The following PLXNA4 variants were observed in gnomAD, a reference collection of about 807,000 sequenced individuals.
The protein encoded by PLXNA4 is plexin A4.
Under a neutral mutation model 191.8 loss-of-function variants are expected in PLXNA4, and 44 were observed. That is an observed-to-expected ratio of 0.23 (90% confidence interval 0.18 to 0.29). The LOEUF is 0.29. Among genes scored for constraint, PLXNA4 ranks in the 10% least tolerant of loss-of-function variants. The pLI, the probability that PLXNA4 is intolerant of heterozygous loss-of-function variation, is 1.00. For synonymous variants in PLXNA4, 1,082 were observed against 1,009.5 expected (o/e 1.07, Z -1.36); for missense variants, 1,800 against 2,488.8 (o/e 0.72, Z 5.89).
At chr7:132,224,960 G>T (rs1282545325) in intron 8 of PLXNA4, among the ~76,000 whole-genome samples, 3 of 152,206 alleles carry the variant, frequency 2.0e-5, no homozygotes, top group Non-Finnish European at 4.4e-5. Flanking sequence ...TTGAGGTCAG[G>T]TCCCACGGTT....
intron 5 of PLXNA4, among the ~76,000 whole-genome samples, chr7:132,228,956 C>T (rs1798429769): frequency 6.6e-6 from 1 of 152,210 alleles, no homozygotes; most frequent in Non-Finnish European, 1.5e-5. Context: ...CACCTGCAAT[C>T]TCTCCTGCCC....
In PLXNA4 at chr7:132,198,607, C is replaced by T; in HGVS notation, c.2616G>A (p.Gly872=). Reference sequence around the variant, plus strand: ...CCCCTCGGATAGTGACCTTGGTGCCCCCTTCCCGGGGGCCTGTCACCGGGA... The same window carrying T: ...CCCCTCGGATAGTGACCTTGGTGCCTCCTTCCCGGGGGCCTGTCACCGGGA... The part of the protein sequence containing the change: ...EIIPVTGPRE[G]GTKVTIRGEN... Residue 872 remains glycine, a synonymous_variant, in exon 13 of 32, where the codon GGG becomes GGA. Transcript: ENST00000321063. The T allele has an allele frequency of 6.2e-7, 1 of 1,614,190 alleles. No individual in the cohort carries two copies. The highest frequency in any genetic ancestry group is 2.2e-5 in the East Asian group (1 of 44,874).
intron 9 of PLXNA4, among the ~76,000 whole-genome samples, chr7:132,218,016 T>C (rs1419126006): frequency 2.0e-5 from 3 of 147,898 alleles, no homozygotes; most frequent in African/African-American, 5.0e-5. Flanking sequence ...GGAAGCAGAA[T>C]TGCTGACAAA....
At chr7:132,216,317 T>C (rs1170317994) in intron 9 of PLXNA4, among the ~76,000 whole-genome samples, 2 of 152,218 alleles carry the variant, frequency 1.3e-5, no homozygotes, top group Admixed American at 6.5e-5. Context: ...ATGATCTTTT[T>C]GAAGCTCAGT....
At chr7:132,208,726 T>C (rs62468398) in intron 10 of PLXNA4, among the ~76,000 whole-genome samples, 5,968 of 152,210 alleles carry the variant, frequency 0.039, 141 homozygotes, top group African/African-American at 0.067. Flanking sequence ...GTCCAAGGAT[T>C]CAACACCCGA....
chr7:132,507,474 C>G lies in PLXNA4; in HGVS notation c.1188+32G>C, dbSNP rs746992978. 4.5e-6 allele frequency: 7 copies of G among 1,572,196 alleles called. No homozygotes were observed. The South Asian group carries it at 8.4e-5, about 19-fold the overall frequency. On this transcript the variant is annotated intron_variant, in intron 2 of 31. Transcript: ENST00000321063. ...TGGGGTTCTCATCCTACACTCCCAA[C>G]CATCCCAGCGCGCAGCCCTCCCTGT...
chr7:132,299,501 G>A (rs1295575976), intron 3 of PLXNA4, among the ~76,000 whole-genome samples: 2 of 152,036 alleles, frequency 1.3e-5, no homozygotes, highest in Non-Finnish European at 2.9e-5. Context: ...TTATTTTGTG[G>A]TTTATTTGCT....
chr7:132,273,151 C>T (rs1441059894), intron 4 of PLXNA4, among the ~76,000 whole-genome samples: 1 of 152,128 alleles, frequency 6.6e-6, no homozygotes, highest in Non-Finnish European at 1.5e-5. Flanking sequence ...CTACATAGCC[C>T]TCATCTTCAT....
chr7:132,511,549 C>G (rs1798715104), intron 1 of PLXNA4, among the ~76,000 whole-genome samples: 1 of 152,202 alleles, frequency 6.6e-6, no homozygotes, highest in Admixed American at 6.5e-5. Context: ...TGGTAGATAA[C>G]ACCGATCAGG....
rs1795381849 is a variant in PLXNA4 at position 132,145,125 on chromosome 7, C to T, written c.5219G>A (p.Ser1740Asn). The T allele has an allele frequency of 1.2e-6, 2 of 1,614,116 alleles. No individual in the cohort carries two copies. Among genetic ancestry groups the T allele is most frequent in the Admixed American group, 3.3e-5 (2 of 60,020 alleles). ...HDPHVRHTWKSNCLPLRFWVN... is the reference protein window; with the variant it reads ...HDPHVRHTWKNNCLPLRFWVN... Reference sequence around the variant, plus strand: ...CTGCCCTCCCTTCACTCACCAATTGCTCTTCCAGGTATGGCGGACGTGCGG... The same window carrying T: ...CTGCCCTCCCTTCACTCACCAATTGTTCTTCCAGGTATGGCGGACGTGCGG... The change falls in exon 29 of 32, where the codon AGC (serine) becomes AAC (asparagine). Residue 1740 changes from serine to asparagine, a missense_variant. Ser to Asn is a conservative substitution (Grantham distance 46). Around this residue, in one of 6 missense-constraint regions of PLXNA4, gnomAD observed 101 missense variants for 182.8 expected, o/e 0.55. Coordinates refer to ENST00000321063, the MANE Select transcript of PLXNA4 (RefSeq NM_020911.2).
At chr7:132,513,537 G>A (rs929419484) in intron 1 of PLXNA4, among the ~76,000 whole-genome samples, 6 of 152,156 alleles carry the variant, frequency 3.9e-5, no homozygotes, top group African/African-American at 1.4e-4. Flanking sequence ...ACAGAGTCCT[G>A]GTCCTCAGAC....
chr7:132,603,997 C>T (rs13230417), intron 2 of PLXNA4, among the ~76,000 whole-genome samples: 15,679 of 152,184 alleles, frequency 0.1, 1,023 homozygotes, highest in Non-Finnish European at 0.14. Flanking sequence ...AGGATTTAAA[C>T]GATAACATGC....
At chr7:132,325,682 A>G (rs1426584786) in intron 3 of PLXNA4, among the ~76,000 whole-genome samples, 2 of 152,140 alleles carry the variant, frequency 1.3e-5, no homozygotes, top group African/African-American at 4.8e-5. Flanking sequence ...AGCCTCAAGG[A>G]GTGTGGCCCT....
rs758459805 is a variant in PLXNA4 at position 132,179,767 on chromosome 7, C to T, written c.3794G>A (p.Arg1265His). The change falls in exon 20 of 32, where the codon CGC becomes CAC. Residue 1265 changes from arginine to histidine, a missense_variant. Physicochemically the swap from Arg to His is conservative, Grantham distance 29. Coordinates refer to ENST00000321063, the MANE Select transcript of PLXNA4 (RefSeq NM_020911.2). ...AVLIAYKRKS[R>H]ESDLTLKRLQ... ...CCGCTTCAGCGTGAGGTCACTTTCGCGGGACTTGCGTTTATAGGCAATGAG... is the reference window on the plus strand; with the variant it reads ...CCGCTTCAGCGTGAGGTCACTTTCGTGGGACTTGCGTTTATAGGCAATGAG... 27 of 1,613,964 alleles carry T rather than the reference C, an allele frequency of 1.7e-5. No homozygotes were observed. Among genetic ancestry groups the T allele is most frequent in the African/African-American group, 2.7e-5 (2 of 74,934 alleles).
intron 1 of PLXNA4, among the ~76,000 whole-genome samples, chr7:132,561,455 CCTT>C (rs1173358040): frequency 3.7e-5 from 5 of 135,796 alleles, no homozygotes; most frequent in Non-Finnish European, 7.9e-5. Context: ...TTGTCCTCCT[CCTT>C]CTTGTCCTCC....
chr7:132,190,980 G>A (rs921279672), intron 14 of PLXNA4, among the ~76,000 whole-genome samples: 2 of 152,260 alleles, frequency 1.3e-5, no homozygotes, highest in Non-Finnish European at 2.9e-5. Context: ...TGCATTCGCA[G>A]ACTGAGGACT....
intron 19 of PLXNA4, among the ~76,000 whole-genome samples, chr7:132,180,128 C>T (rs1045273860): frequency 2.0e-5 from 3 of 152,186 alleles, no homozygotes; most frequent in Non-Finnish European, 4.4e-5. Context: ...AAAAACCTCA[C>T]CTCCTCTTAT....
intron 4 of PLXNA4, among the ~76,000 whole-genome samples, chr7:132,254,110 C>T (rs1799350088): frequency 6.6e-6 from 1 of 152,158 alleles, no homozygotes; most frequent in Non-Finnish European, 1.5e-5. Context: ...TCATAACTAA[C>T]TATCTTAAGG....
chr7:132,236,500 A>G (rs1340997017), intron 5 of PLXNA4, among the ~76,000 whole-genome samples: 2 of 152,158 alleles, frequency 1.3e-5, no homozygotes, highest in Non-Finnish European at 2.9e-5. Context: ...TTAGCAAGCA[A>G]CCGAGTCACT....
Sources: gnomAD v4.1 joint callset for allele counts (sites outside exome capture counted in the v4.1 genomes callset) on GRCh38, gnomAD v4.1.1 for gene constraint, gnomAD v4.1.1 regional missense constraint, MANE v1.5 for transcripts, NCBI Gene and HGNC (gene_info 2026-07-23, HGNC 2026-07-21) for gene names.